EEA1: variants seen among roughly 807,000 people sequenced by gnomAD.
EEA1 encodes early endosome antigen 1, also known as early endosome antigen 1, 162kD.
A neutral mutation model predicts 209.2 loss-of-function variants in EEA1; 111 were observed. The ratio of observed to expected loss-of-function variants is 0.53; its 90% CI spans 0.45 to 0.62. The LOEUF is 0.62. EEA1 is among the 20% of genes least tolerant of loss of function. The pLI is 0.00. For synonymous variants in EEA1, 536 were observed against 540.6 expected (o/e 0.99, Z 0.12); for missense variants, 1,343 against 1,530.8 (o/e 0.88, Z 2.05).
intron 20 of EEA1, 109 bp from the exon 21 acceptor site, chr12:92,799,195 A>T (rs533769745): frequency 1.1e-6 from 1 of 952,314 alleles, no homozygotes; most frequent in African/African-American, 1.7e-5. Context: ...CATTCAAAAG[A>T]CAATTTACTG....
intron 21 of EEA1, among the ~76,000 whole-genome samples, chr12:92,790,086 C>A (rs564339859): frequency 7.2e-5 from 11 of 152,228 alleles, no homozygotes; most frequent in African/African-American, 2.6e-4. Flanking sequence ...ATAACATCAA[C>A]ATCAACAAAA....
intron 21 of EEA1, among the ~76,000 whole-genome samples, chr12:92,797,624 C>T (rs562275793): frequency 1.4e-4 from 21 of 151,976 alleles, no homozygotes; most frequent in South Asian, 1.2e-3. Flanking sequence ...GCTATAAAAA[C>T]GAAGATTTTG....
chr12:92,895,094 CTAAT>C (rs1383403176), intron 1 of EEA1, among the ~76,000 whole-genome samples: 2 of 150,162 alleles, frequency 1.3e-5, no homozygotes, highest in African/African-American at 2.5e-5. Flanking sequence ...ACAAGAAAGC[CTAAT>C]TAATAGCACA....
chr12:92,848,722 C>CTTT lies in EEA1; in HGVS notation c.798+2386_798+2388dup, dbSNP rs71069184. Reference sequence around the variant, plus strand: ...TTAGCAAGTTATATTATATTCTCACCTTTTTTTTTTTTTTTTTTTTTTTTT... The same window carrying CTTT: ...TTAGCAAGTTATATTATATTCTCACCTTTTTTTTTTTTTTTTTTTTTTTTTTTT... On this transcript the variant is annotated intron_variant, in intron 9 of 28. Coordinates refer to ENST00000322349, the MANE Select transcript of EEA1 (RefSeq NM_003566.4). Among the ~76,000 whole-genome samples the CTTT allele has an allele frequency of 8.2e-4, 53 of 64,574 alleles. 3 individuals carry two copies. The highest frequency in any genetic ancestry group is 9.1e-4 in the African/African-American group (15 of 16,402). The allele number at this position is 64,574 out of a possible 152,430, so 42.4% of individuals were successfully genotyped here. A position where few individuals can be genotyped will look rare whatever the true frequency, so the allele number is the denominator to read the frequency against.
At position 92,816,785 on chromosome 12, in the gene EEA1, C is replaced by T. The variant is rs1250552322; in HGVS notation, c.1729-385G>A. Among the ~76,000 whole-genome samples, 480 of 147,022 alleles carry T rather than the reference C, an allele frequency of 3.3e-3. 1 individual carries two copies. The highest frequency in any genetic ancestry group is 0.013 in the African/African-American group (462 of 36,508). The stretch of plus-strand genomic sequence containing the variant: ...TCTGCAGTCATTCCTCCCATCCCAT[C>T]TCTAACTCCAGCCAATCACTGATTT... On this transcript the variant is annotated intron_variant, in intron 14 of 28. Coordinates refer to ENST00000322349, the MANE Select transcript of EEA1 (RefSeq NM_003566.4).
At chr12:92,898,734 T>C (rs12829336) in intron 1 of EEA1, among the ~76,000 whole-genome samples, 5 of 68,634 alleles carry the variant, frequency 7.3e-5, no homozygotes, top group Non-Finnish European at 1.3e-4. Flanking sequence ...TTTTTCCCTT[T>C]TTTTTTTTTT....
chr12:92,834,786 T>C (rs1876837249), intron 10 of EEA1, among the ~76,000 whole-genome samples: 1 of 152,202 alleles, frequency 6.6e-6, no homozygotes, highest in Non-Finnish European at 1.5e-5. Context: ...TAATTCCAAA[T>C]TTTTCTTGAC....
At chr12:92,881,439 G>A (rs1273291934) in intron 2 of EEA1, among the ~76,000 whole-genome samples, 1 of 151,886 alleles carries the variant, frequency 6.6e-6, no homozygotes, top group Non-Finnish European at 1.5e-5. Flanking sequence ...CGGAGGGAAG[G>A]AAAGGAAAAG....
chr12:92,884,947 G>A lies in EEA1; in HGVS notation c.117+6682C>T, dbSNP rs184352840. ...GAAAGTGTAAAGCATTCCAACAAAG[G>A]GTTTCAATGTAGATTTTTTTTTTTT... On this transcript the variant is annotated intron_variant, in intron 2 of 28. Coordinates refer to ENST00000322349, the MANE Select transcript of EEA1 (RefSeq NM_003566.4). 3.5e-4 allele frequency among the ~76,000 whole-genome samples: 48 copies of A among 135,450 alleles called. No individual in the cohort carries two copies. The East Asian group carries it at 0.01, about 29-fold the overall frequency. The allele number at this position is 135,450 out of a possible 152,430, so 88.9% of individuals were successfully genotyped here.
At chr12:92,858,773 T>C (rs891270560) in intron 3 of EEA1, 11 of 775,692 alleles carry the variant, frequency 1.4e-5, no homozygotes, top group Non-Finnish European at 2.6e-5. Flanking sequence ...ATCAAAGCCA[T>C]TGTGCCTGCA....
intron 11 of EEA1, 40 bp from the exon 12 acceptor site, chr12:92,828,101 AACAC>A (rs1491306591): frequency 2.1e-6 from 3 of 1,417,496 alleles, no homozygotes; most frequent in Admixed American, 2.6e-5. Context: ...CATATGTACA[AACAC>A]ACACACAGCA....
chr12:92,869,752 C>CAAAAAAAAAAA lies in EEA1; in HGVS notation c.118-4776_118-4766dup, dbSNP rs71069185. Reference sequence around the variant, plus strand: ...TGGGTGACACAGTGAGATTCTGCCTCAAAAAAAAAAAAAAAAAAAAAAAAA... The same window carrying CAAAAAAAAAAA: ...TGGGTGACACAGTGAGATTCTGCCTCAAAAAAAAAAAAAAAAAAAAAAAAAAAAAAAAAAAA... On this transcript the variant is annotated intron_variant, in intron 2 of 28. Transcript: ENST00000322349. 2.6e-4 allele frequency among the ~76,000 whole-genome samples: 7 copies of CAAAAAAAAAAA among 26,792 alleles called. 1 individual carries two copies. The highest frequency in any genetic ancestry group is 1.8e-3 in the East Asian group (1 of 560). 17.6% of individuals were successfully genotyped at this position (26,792 alleles called of 152,430 possible).
intron 28 of EEA1, 144 bp downstream of exon 28, chr12:92,776,700 T>C: frequency 1.4e-6 from 1 of 729,058 alleles, no homozygotes; most frequent in South Asian, 1.8e-5. Flanking sequence ...CTAGACTGCA[T>C]GAAGTTATTC....
Position 92,857,431 on chromosome 12 carries a change from C to T in EEA1, c.300G>A (p.Lys100=). The change falls in exon 4 of 29, where the codon AAG becomes AAA. Residue 100 remains lysine (K), a splice_region_variant and synonymous_variant. Coordinates refer to ENST00000322349, the MANE Select transcript of EEA1 (RefSeq NM_003566.4). ...AAGGTATAACAATTTTTATTCTTAC[C>T]TTAAGTGAAGCCTGTAGGTCTTGGA... ...QEVQDLQASL[K]EEKWYSEELK... The T allele has an allele frequency of 6.3e-7, 1 of 1,594,490 alleles. No homozygotes were observed. Among genetic ancestry groups the T allele is most frequent in the African/African-American group, 1.4e-5 (1 of 73,664 alleles).
At chr12:92,911,513 G>A (rs1212707760) in intron 1 of EEA1, among the ~76,000 whole-genome samples, 2 of 152,206 alleles carry the variant, frequency 1.3e-5, no homozygotes, top group African/African-American at 2.4e-5. Context: ...GCAAAACACA[G>A]TGGATTTGTA....
At chr12:92,907,017 A>C (rs1287201718) in intron 1 of EEA1, among the ~76,000 whole-genome samples, 1 of 152,164 alleles carries the variant, frequency 6.6e-6, no homozygotes, top group Non-Finnish European at 1.5e-5. Flanking sequence ...GGCTCTCACT[A>C]ACCCTTTTCT....
chr12:92,912,637 C>A (rs964268344), intron 1 of EEA1, among the ~76,000 whole-genome samples: 1 of 152,098 alleles, frequency 6.6e-6, no homozygotes, highest in African/African-American at 2.4e-5. Context: ...GGTGAAGTCT[C>A]GGCTTTTAGT....
rs534474907 is a variant in EEA1, at chr12:92,877,525, A to G, written c.118-12538T>C. Among the ~76,000 whole-genome samples, 290 of 151,080 alleles carry G rather than the reference A, an allele frequency of 1.9e-3. 2 individuals are homozygous for G. The highest frequency in any genetic ancestry group is 7.0e-3 in the African/African-American group (284 of 40,430). On this transcript the variant is annotated intron_variant, in intron 2 of 28. Coordinates refer to ENST00000322349, the MANE Select transcript of EEA1 (RefSeq NM_003566.4). ...CTGAGAAGGTGATAATTGAACTAAAATTAAAATAATTTTTTTTTTTTGAGA... is the reference window on the plus strand; with the variant it reads ...CTGAGAAGGTGATAATTGAACTAAAGTTAAAATAATTTTTTTTTTTTGAGA...
At chr12:92,900,060 A>T (rs1381569055) in intron 1 of EEA1, among the ~76,000 whole-genome samples, 5 of 152,166 alleles carry the variant, frequency 3.3e-5, no homozygotes, top group Non-Finnish European at 7.3e-5. Context: ...TCTGTCACTG[A>T]GGACTTTTTT....
Sources: gnomAD v4.1 joint callset for allele counts (sites outside exome capture counted in the v4.1 genomes callset) on GRCh38, gnomAD v4.1.1 for gene constraint, MANE v1.5 for transcripts, NCBI Gene and HGNC (gene_info 2026-07-23, HGNC 2026-07-21) for gene names.